Variants in TMEM266 observed in about 807,000 individuals in gnomAD.
The protein encoded by TMEM266 is transmembrane protein 266, also known as Hv1 related protein 1.
Under a neutral mutation model 50.5 loss-of-function variants are expected in TMEM266, and 33 were observed. The observed-to-expected ratio is 0.65, with a 90% CI of 0.50 to 0.87. The LOEUF (loss-of-function observed/expected upper bound fraction) is 0.87. Among genes scored for constraint, TMEM266 ranks in the 40% least tolerant of loss-of-function variants. The probability of loss-of-function intolerance (pLI) is 0.00; values close to 1 mark genes in which losing one functional copy is unlikely to be tolerated. For missense variants in TMEM266, 655 were observed against 695.1 expected (o/e 0.94, Z 0.65); for synonymous variants, 310 against 292.3 (o/e 1.06, Z -0.62).
chr15:76,156,850 G>C (rs1228361132), intron 4 of TMEM266, 92 bp downstream of exon 4: 1 of 1,320,426 alleles, frequency 7.6e-7, no homozygotes, highest in African/African-American at 1.4e-5. Flanking sequence ...CCTGCAGGCT[G>C]TGATCTGCCC....
At position 76,137,703 on chromosome 15, in the gene TMEM266, C is replaced by T. The variant is rs779577432; in HGVS notation, c.39-4C>T. The T allele has an allele frequency of 5.6e-6, 9 of 1,613,900 alleles. No homozygotes were observed. The highest frequency in any genetic ancestry group is 1.6e-4 in the Middle Eastern group (1 of 6,084). On this transcript the variant is annotated splice_polypyrimidine_tract_variant and splice_region_variant and intron_variant, in intron 2 of 10. Transcript: ENST00000388942. ...TTTCCCATTGTTCCTCCTCTCCAAC[C>T]CAGGCCTGCCATAGAAGGAGGAATT...
chr15:76,168,550 G>A lies in TMEM266; in HGVS notation c.457-1266G>A, dbSNP rs1399326368. On this transcript the variant is annotated intron_variant, in intron 5 of 10. Transcript: ENST00000388942. This position sits in a 1 kb window ranked among gnomAD's most constrained non-coding sequence, Gnocchi z 4.4. ...GCAGACAAATGCACCGGCATCTTAC[G>A]AGACCAGCATTTAGGGGCTTCTTTG... Among the ~76,000 whole-genome samples, 1 of 152,202 alleles carries A rather than the reference G, an allele frequency of 6.6e-6. No individual in the cohort carries two copies. Among genetic ancestry groups the A allele is most frequent in the Non-Finnish European group, 1.5e-5 (1 of 68,038 alleles).
rs79975180 is a variant in TMEM266, at chr15:76,135,126, G to T, written c.38+825G>T. On this transcript the variant is annotated intron_variant, in intron 2 of 10. Transcript: ENST00000388942. ...TCTAACATCTCGTTGGCAAAAACAA[G>T]TCACATGGCTGAATGCTGAATCAAG... Among the ~76,000 whole-genome samples, 671 of 152,328 alleles carry T rather than the reference G, an allele frequency of 4.4e-3. 9 individuals carry two copies. The highest frequency in any genetic ancestry group is 0.015 in the African/African-American group (644 of 41,568).
chr15:76,204,470 A>C lies in TMEM266; in HGVS notation c.*155A>C, dbSNP rs2038805364. On this transcript the variant is annotated 3_prime_UTR_variant, in exon 11 of 11. Transcript: ENST00000388942. ...TCCAGGGAGGCGACGCCAGGCCAGG[A>C]GGCCACAAGCTTCAGACCTCAAAGC... 6.1e-6 allele frequency: 4 copies of C among 655,494 alleles called. No homozygotes were observed. Among genetic ancestry groups the C allele is most frequent in the Non-Finnish European group, 1.0e-5 (4 of 390,970 alleles). The allele number at this position is 655,494 out of a possible 1,614,324, so 40.6% of individuals were successfully genotyped here.
At chr15:76,065,886 C>T (rs1479386899) in intron 1 of TMEM266, among the ~76,000 whole-genome samples, 2 of 152,100 alleles carry the variant, frequency 1.3e-5, no homozygotes, top group Non-Finnish European at 2.9e-5. Context: ...CTTTGTCCCG[C>T]GCACTCCCCA....
intron 2 of TMEM266, among the ~76,000 whole-genome samples, chr15:76,136,086 G>A (rs2037584253): frequency 6.6e-6 from 1 of 152,146 alleles, no homozygotes; most frequent in East Asian, 1.9e-4. Context: ...TGGGATTACA[G>A]GCATGCGCCA....
At chr15:76,147,798 A>G (rs1443703166) in intron 3 of TMEM266, among the ~76,000 whole-genome samples, 1 of 152,192 alleles carries the variant, frequency 6.6e-6, no homozygotes, top group African/African-American at 2.4e-5. Flanking sequence ...TGGGAGGCCA[A>G]GGCCTGCGGA....
chr15:76,133,163 G>A (rs547495708), intron 1 of TMEM266, among the ~76,000 whole-genome samples: 1 of 151,978 alleles, frequency 6.6e-6, no homozygotes, highest in East Asian at 1.9e-4. Context: ...GCCGGGCGCG[G>A]TGGCTCACGC....
intron 6 of TMEM266, 124 bp downstream of exon 6, chr15:76,169,996 C>G: frequency 9.7e-6 from 9 of 927,818 alleles, no homozygotes; most frequent in Non-Finnish European, 8.4e-6. Flanking sequence ...CACTTGACCT[C>G]TGTGGCTGTG....
At position 76,168,848 on chromosome 15, in the gene TMEM266, G is replaced by A. The variant is rs1457329787; in HGVS notation, c.457-968G>A. Among the ~76,000 whole-genome samples, 1 of 152,230 alleles carries A rather than the reference G, an allele frequency of 6.6e-6. No homozygotes were observed. The highest frequency in any genetic ancestry group is 1.5e-5 in the Non-Finnish European group (1 of 68,038). On this transcript the variant is annotated intron_variant, in intron 5 of 10. Transcript: ENST00000388942. The surrounding 1 kb of genome is among the most constrained non-coding windows in gnomAD (Gnocchi z 4.4). ...CACCCAGGAAGGAGGCACCAGCTGA[G>A]CCGGGGAGTGTGCAAGAGCTTCATG... is the stretch of plus-strand genomic sequence containing the variant.
At chr15:76,190,497 A>T (rs1392971894) in intron 8 of TMEM266, among the ~76,000 whole-genome samples, 1 of 151,538 alleles carries the variant, frequency 6.6e-6, no homozygotes, top group East Asian at 1.9e-4. Flanking sequence ...TGTTGGAGTG[A>T]TGGCAGAGGG....
chr15:76,175,866 C>A (rs910439430), intron 8 of TMEM266, 192 bp downstream of exon 8: 31 of 527,714 alleles, frequency 5.9e-5, no homozygotes, highest in African/African-American at 5.6e-4. Flanking sequence ...ATAGCCCAGC[C>A]AGGCATGGAC....
At chr15:76,196,901 GT>G (rs1397464860) in intron 9 of TMEM266, among the ~76,000 whole-genome samples, 1 of 152,236 alleles carries the variant, frequency 6.6e-6, no homozygotes, top group Non-Finnish European at 1.5e-5. Context: ...CAAGTTCACA[GT>G]GCCCCTGTGT....
At chr15:76,156,538 G>A in intron 3 of TMEM266, 66 bp from the exon 4 acceptor site, 3 of 1,555,658 alleles carry the variant, frequency 1.9e-6, no homozygotes, top group Non-Finnish European at 8.8e-7. Flanking sequence ...CAGGGCTTTG[G>A]CCGGGGTCCA....
At chr15:76,163,293 AGT>A (rs1355383231) in intron 5 of TMEM266, among the ~76,000 whole-genome samples, 1 of 152,016 alleles carries the variant, frequency 6.6e-6, no homozygotes, top group African/African-American at 2.4e-5. Context: ...AGAGAAGGGG[AGT>A]GTGAGGCTGG....
rs575403335 is a variant in TMEM266, at chr15:76,167,396, G to A, written c.457-2420G>A. ...GAGGCAGGAGAATGGCGTGAACCTA[G>A]GAGGAGGAGCTTGCAGTGAGCCAAG... is the stretch of plus-strand genomic sequence containing the variant. On this transcript the variant is annotated intron_variant, in intron 5 of 10. Transcript: ENST00000388942. 4.6e-5 allele frequency among the ~76,000 whole-genome samples: 7 copies of A among 151,262 alleles called. No homozygotes were observed. The East Asian group carries it at 1.2e-3, about 26-fold the overall frequency.
Position 76,089,023 on chromosome 15 carries a change from G to A in TMEM266, c.-97+29007G>A, listed in dbSNP as rs2036812040. Among the ~76,000 whole-genome samples, 3 of 134,840 alleles carry A rather than the reference G, an allele frequency of 2.2e-5. No homozygotes were observed. In the Admixed American group the frequency reaches 2.5e-4, roughly 11 times the overall value. 88.5% of individuals were successfully genotyped at this position (134,840 alleles called of 152,430 possible). A position where few individuals can be genotyped will look rare whatever the true frequency, so the allele number is the denominator to read the frequency against. ...GCATGAGAATCGCTTGAACCTAGGA[G>A]ACAGAGGTTGCAGTGAGCCGAAATC... On this transcript the variant is annotated intron_variant, in intron 1 of 10. Coordinates refer to ENST00000388942, the MANE Select transcript of TMEM266 (RefSeq NM_152335.3).
chr15:76,140,600 C>T (rs1459730224), intron 3 of TMEM266, among the ~76,000 whole-genome samples: 1 of 152,178 alleles, frequency 6.6e-6, no homozygotes, highest in Non-Finnish European at 1.5e-5. Context: ...TGCTCTTGAG[C>T]TCCGTGATAT....
Position 76,160,046 on chromosome 15 carries a change from G to A in TMEM266, c.383-49G>A, listed in dbSNP as rs748286583. The A allele has an allele frequency of 1.9e-6, 3 of 1,567,084 alleles. No individual in the cohort carries two copies. Among genetic ancestry groups the A allele is most frequent in the Admixed American group, 1.7e-5 (1 of 59,852 alleles). On this transcript the variant is annotated intron_variant, in intron 4 of 10. Coordinates refer to ENST00000388942, the MANE Select transcript of TMEM266 (RefSeq NM_152335.3). The surrounding 1 kb of genome is among the most constrained non-coding windows in gnomAD (Gnocchi z 5.7). Reference sequence around the variant, plus strand: ...GATGCTGCGAAGCCCCCATAGCAACGCACCTAATTCCTCACTCCTAAAATT... The same window carrying A: ...GATGCTGCGAAGCCCCCATAGCAACACACCTAATTCCTCACTCCTAAAATT...
Sources: gnomAD v4.1 joint callset for allele counts (sites outside exome capture counted in the v4.1 genomes callset) on GRCh38, gnomAD v4.1.1 for gene constraint, Gnocchi (gnomAD v3.1) non-coding constraint, MANE v1.5 for transcripts, NCBI Gene and HGNC (gene_info 2026-07-23, HGNC 2026-07-21) for gene names.